Variants in ACCSL observed in about 807,000 individuals in gnomAD.
The protein encoded by ACCSL is probable inactive 1-aminocyclopropane-1-carboxylate synthase-like protein 2.
In ACCSL, 55 loss-of-function variants were observed where a neutral mutation model predicts 61.7. That is an observed-to-expected ratio of 0.89 (90% confidence interval 0.72 to 1.12). The LOEUF is 1.12. ACCSL is among the 50% of genes most tolerant of loss of function. The pLI is 0.00. For missense variants in ACCSL, 632 were observed against 698.0 expected (o/e 0.91, Z 1.07); for synonymous variants, 258 against 264.3 (o/e 0.98, Z 0.23).
At chr11:43,996,853 C>A in the ACCSL span, among the ~76,000 whole-genome samples, 10 of 151,332 alleles carry the variant, frequency 6.6e-5, no homozygotes, top group East Asian at 1.9e-3. Flanking sequence ...CGCTCTGTCA[C>A]CCAGGCTAAA....
the ACCSL span, among the ~76,000 whole-genome samples, chr11:43,996,961 C>T: frequency 6.6e-6 from 1 of 151,992 alleles, no homozygotes; most frequent in Admixed American, 6.5e-5. Flanking sequence ...TACAGGCGCC[C>T]ACCTCCACTC....
At chr11:44,021,064 C>T in the ACCSL span, among the ~76,000 whole-genome samples, 8 of 151,950 alleles carry the variant, frequency 5.3e-5, no homozygotes, top group African/African-American at 1.5e-4. Flanking sequence ...CCGTATTTTA[C>T]GATTGTGAAT....
chr11:44,017,628 A>G, the ACCSL span, among the ~76,000 whole-genome samples: 1 of 152,166 alleles, frequency 6.6e-6, no homozygotes, highest in Admixed American at 6.5e-5. Flanking sequence ...CATCAGGTTC[A>G]GATGTTTCCT....
At chr11:43,943,925 C>A in the ACCSL span, 1 of 1,131,384 alleles carries the variant, frequency 8.8e-7, no homozygotes, top group Non-Finnish European at 1.1e-6. The surrounding 1 kb of genome is among the most constrained non-coding windows in gnomAD (Gnocchi z 4.8). Flanking sequence ...GGGGTCCAGG[C>A]TCCCAAGACT....
chr11:43,956,223 T>C, the ACCSL span, among the ~76,000 whole-genome samples: 1 of 152,140 alleles, frequency 6.6e-6, no homozygotes, highest in Non-Finnish European at 1.5e-5. Flanking sequence ...GTTGGCTACG[T>C]TTGGCCAAAA....
the ACCSL span, among the ~76,000 whole-genome samples, chr11:43,936,708 C>T: frequency 3.3e-5 from 5 of 152,030 alleles, no homozygotes; most frequent in Non-Finnish European, 5.9e-5. Context: ...TTGGCTGGCT[C>T]CTTGGGCAGG....
chr11:44,056,457 G>A, intron 11 of ACCSL, 131 bp downstream of exon 11: 1 of 1,273,748 alleles, frequency 7.9e-7, no homozygotes, highest in South Asian at 1.5e-5. Context: ...TTTAACTGTG[G>A]TAAGATGTGA....
chr11:43,962,823 C>G, the ACCSL span, among the ~76,000 whole-genome samples: 2 of 152,222 alleles, frequency 1.3e-5, no homozygotes, highest in East Asian at 3.9e-4. Flanking sequence ...CCAGAGAAAC[C>G]GTAAAAGCCT....
At chr11:44,045,056 C>G (rs1005234448), upstream of ACCSL, among the ~76,000 whole-genome samples, 11 of 152,190 alleles carry the variant, frequency 7.2e-5, no homozygotes, top group African/African-American at 1.2e-4. Context: ...TTACAATAGA[C>G]TTTTCCCATA....
chr11:43,932,294 G>T, the ACCSL span, among the ~76,000 whole-genome samples: 177 of 152,178 alleles, frequency 1.2e-3, no homozygotes, highest in South Asian at 0.02. Context: ...TTGAGACAGG[G>T]TCTCATTCTG....
At chr11:44,009,467 A>G in the ACCSL span, among the ~76,000 whole-genome samples, 1 of 152,188 alleles carries the variant, frequency 6.6e-6, no homozygotes, top group African/African-American at 2.4e-5. Context: ...AAAAAGCTGC[A>G]TATAAAAAGT....
chr11:44,048,064 G>A lies in ACCSL; in HGVS notation c.28G>A (p.Val10Met), dbSNP rs1488279309. Residue 10 changes from valine (V) to methionine (M), a missense_variant, in exon 1 of 14, where the codon GTG becomes ATG. Val to Met is a conservative substitution (Grantham distance 21). Transcript: ENST00000378832. MSHRSDTLP[V>M]PSGQRRGRVP... ...GAGTCATCGGTCAGACACCCTTCCTGTGCCCTCTGGTCAGAGGAGAGGCCG... is the reference window on the plus strand; with the variant it reads ...GAGTCATCGGTCAGACACCCTTCCTATGCCCTCTGGTCAGAGGAGAGGCCG... 2 of 1,613,258 alleles carry A rather than the reference G, an allele frequency of 1.2e-6. No individual in the cohort carries two copies. The highest frequency in any genetic ancestry group is 1.7e-6 in the Non-Finnish European group (2 of 1,179,292).
chr11:43,958,849 T>C, the ACCSL span, among the ~76,000 whole-genome samples: 2 of 152,156 alleles, frequency 1.3e-5, no homozygotes, highest in East Asian at 3.9e-4. Flanking sequence ...TGAGGTGCCC[T>C]TGGCCAACAG....
chr11:43,999,787 C>T, the ACCSL span, among the ~76,000 whole-genome samples: 7 of 151,996 alleles, frequency 4.6e-5, no homozygotes, highest in Non-Finnish European at 1.0e-4. Context: ...CTTCCTGATC[C>T]CATGTAGTAG....
At chr11:43,933,098 A>C in the ACCSL span, 4 of 456,098 alleles carry the variant, frequency 8.8e-6, no homozygotes, top group Admixed American at 7.0e-5. Flanking sequence ...AGTAGGCAGA[A>C]GACTCTGCTT....
the ACCSL span, among the ~76,000 whole-genome samples, chr11:43,937,103 G>C: frequency 2.0e-5 from 3 of 152,280 alleles, no homozygotes; most frequent in African/African-American, 7.2e-5. Flanking sequence ...GTCCAGAGGA[G>C]CTGTGTGTGT....
chr11:44,046,090 G>T (rs966533273), upstream of ACCSL, among the ~76,000 whole-genome samples: 8 of 152,220 alleles, frequency 5.3e-5, no homozygotes, highest in African/African-American at 1.9e-4. Flanking sequence ...TATTTGGAAA[G>T]ATAGTGTGAC....
the ACCSL span, among the ~76,000 whole-genome samples, chr11:43,960,262 G>A: frequency 1.3e-5 from 2 of 152,184 alleles, no homozygotes; most frequent in South Asian, 2.1e-4. Context: ...CAACCCCATA[G>A]AAAGTGGCTG....
chr11:43,922,333 C>T, the ACCSL span: 1 of 152,168 alleles, frequency 6.6e-6, no homozygotes, highest in East Asian at 1.9e-4. Flanking sequence ...GCTAGTTTCT[C>T]GGCCTGTTTG....
Sources: gnomAD v4.1 joint callset for allele counts (sites outside exome capture counted in the v4.1 genomes callset) on GRCh38, gnomAD v4.1.1 for gene constraint, Gnocchi (gnomAD v3.1) non-coding constraint, MANE v1.5 for transcripts, NCBI Gene and HGNC (gene_info 2026-07-23, HGNC 2026-07-21) for gene names.